The following ZSWIM5 variants were observed in gnomAD, a reference collection of about 807,000 sequenced individuals.
ZSWIM5 encodes zinc finger SWIM-type containing 5, also known as zinc finger SWIM domain-containing protein 5.
ZSWIM5 carries 55 observed loss-of-function variants against 119.6 expected under a neutral mutation model. The ratio of observed to expected loss-of-function variants is 0.46; its 90% CI spans 0.37 to 0.58. ZSWIM5 has a LOEUF of 0.58. ZSWIM5 is among the 20% of genes least tolerant of loss of function. The pLI is 0.00. For synonymous variants in ZSWIM5, 537 were observed against 606.9 expected, an observed-to-expected ratio of 0.88 and a Z score of 1.69; for missense variants, 1,193 against 1,512.8, an observed-to-expected ratio of 0.79 and a Z score of 3.51.
chr1:45,048,457 T>C (rs1645070361), intron 5 of ZSWIM5, among the ~76,000 whole-genome samples: 1 of 152,112 alleles, frequency 6.6e-6, no homozygotes, highest in Non-Finnish European at 1.5e-5. Flanking sequence ...GAGTTAAGTG[T>C]GTATGCAAAG....
At chr1:45,168,430 T>G (rs1645923068) in intron 1 of ZSWIM5, among the ~76,000 whole-genome samples, 1 of 151,838 alleles carries the variant, frequency 6.6e-6, no homozygotes, top group Non-Finnish European at 1.5e-5. Context: ...TGTATACATA[T>G]GTAACAAACT....
intron 1 of ZSWIM5, among the ~76,000 whole-genome samples, chr1:45,125,383 T>A (rs1017987523): frequency 6.6e-6 from 1 of 151,882 alleles, no homozygotes; most frequent in South Asian, 2.1e-4. Flanking sequence ...GAAGAATATA[T>A]ATTAAACTGA....
intron 1 of ZSWIM5, among the ~76,000 whole-genome samples, chr1:45,133,810 G>A (rs976613571): frequency 6.6e-6 from 1 of 151,646 alleles, no homozygotes; most frequent in Non-Finnish European, 1.5e-5. Flanking sequence ...AAGGGATCCA[G>A]TTTCAGCTTT....
At chr1:45,131,925 G>A (rs964859428) in intron 1 of ZSWIM5, among the ~76,000 whole-genome samples, 6 of 151,384 alleles carry the variant, frequency 4.0e-5, no homozygotes, top group African/African-American at 1.5e-4. Context: ...AGAACATAAA[G>A]ATTGGAGTGA....
intron 1 of ZSWIM5, among the ~76,000 whole-genome samples, chr1:45,167,660 C>T (rs936039878): frequency 3.9e-5 from 6 of 152,010 alleles, no homozygotes; most frequent in South Asian, 2.1e-4. Flanking sequence ...AAAAAGTGGG[C>T]GAAGGATATG....
intron 1 of ZSWIM5, among the ~76,000 whole-genome samples, chr1:45,103,638 C>T (rs1645453201): frequency 6.6e-6 from 1 of 152,210 alleles, no homozygotes; most frequent in Non-Finnish European, 1.5e-5. Context: ...TGACATTTGC[C>T]TGTTTTCCTG....
rs186408168 is a variant in ZSWIM5 at position 45,034,436 on chromosome 1, G to T, written c.2325C>A (p.Gly775=). 46 of 1,611,124 alleles carry T rather than the reference G, an allele frequency of 2.9e-5. No individual in the cohort carries two copies. Among genetic ancestry groups the T allele is most frequent in the Non-Finnish European group, 3.9e-5 (46 of 1,178,738 alleles). ...LPVLENSASA[G]DTSHPHHMVS... ...CCATATGGTGAGGGTGGGATGTGTC[G>T]CCTGCAGAAGCTGAGTTTTCTAAAA... Residue 775 remains glycine (G), a synonymous_variant, in exon 11 of 14, where the codon GGC becomes GGA. Coordinates refer to ENST00000359600, the MANE Select transcript of ZSWIM5 (RefSeq NM_020883.2).
chr1:45,104,528 GGCCACGC>G (rs1645458242), intron 1 of ZSWIM5, among the ~76,000 whole-genome samples: 1 of 152,198 alleles, frequency 6.6e-6, no homozygotes, highest in Admixed American at 6.5e-5. Context: ...AATCCCAACT[GGCCACGC>G]CTGGGGCCTA....
chr1:45,180,615 G>A (rs1420877838), intron 1 of ZSWIM5, among the ~76,000 whole-genome samples: 8 of 152,110 alleles, frequency 5.3e-5, no homozygotes, highest in South Asian at 4.1e-4. Flanking sequence ...ATCTGAGAAC[G>A]GGCAGACTGC....
chr1:45,061,802 C>T (rs1427255577), intron 2 of ZSWIM5, among the ~76,000 whole-genome samples: 2 of 146,456 alleles, frequency 1.4e-5, no homozygotes, highest in African/African-American at 5.1e-5. Context: ...TTGAAATATA[C>T]ATTATTGGTT....
intron 5 of ZSWIM5, among the ~76,000 whole-genome samples, chr1:45,045,787 A>G (rs1467645749): frequency 6.6e-6 from 1 of 152,304 alleles, no homozygotes; most frequent in Non-Finnish European, 1.5e-5. Context: ...TCCTGTCTTT[A>G]TGGACCTTTA....
intron 5 of ZSWIM5, among the ~76,000 whole-genome samples, chr1:45,049,608 GTT>G (rs1645078124): frequency 2.0e-5 from 3 of 152,052 alleles, no homozygotes; most frequent in South Asian, 2.1e-4. Context: ...CACTTGAGGA[GTT>G]TGACACCAGC....
At chr1:45,086,694 A>G (rs1343855647) in intron 2 of ZSWIM5, among the ~76,000 whole-genome samples, 1 of 152,042 alleles carries the variant, frequency 6.6e-6, no homozygotes, top group Non-Finnish European at 1.5e-5. Flanking sequence ...TGATGAGTTA[A>G]TGGGTGCAGC....
At chr1:45,074,121 G>T (rs1186833552) in intron 2 of ZSWIM5, among the ~76,000 whole-genome samples, 1 of 151,812 alleles carries the variant, frequency 6.6e-6, no homozygotes, top group Admixed American at 6.6e-5. Context: ...ATGTATTGTT[G>T]AATTCAGTTT....
At chr1:45,191,659 T>C (rs1646093899) in intron 1 of ZSWIM5, among the ~76,000 whole-genome samples, 1 of 152,172 alleles carries the variant, frequency 6.6e-6, no homozygotes, top group South Asian at 2.1e-4. Context: ...ACACAGAGAA[T>C]TGAGGCTCAG....
At chr1:45,044,731 A>AGAAAAAAAAAG (rs1557746299) in intron 5 of ZSWIM5, among the ~76,000 whole-genome samples, 1 of 6,570 alleles carries the variant, frequency 1.5e-4, no homozygotes. Context: ...CTCAAAAAAA[A>AGAAAAAAAAAG]AAAAAAAAAA....
chr1:45,117,677 A>T (rs1645566637), intron 1 of ZSWIM5, among the ~76,000 whole-genome samples: 1 of 152,078 alleles, frequency 6.6e-6, no homozygotes, highest in African/African-American at 2.4e-5. Context: ...TTTCAAAAAA[A>T]AGTAACAAGG....
intron 1 of ZSWIM5, among the ~76,000 whole-genome samples, chr1:45,107,939 G>C (rs550730137): frequency 7.9e-5 from 12 of 152,262 alleles, no homozygotes; most frequent in African/African-American, 2.4e-4. Context: ...TGGGACCACA[G>C]GCATGCATTA....
At chr1:45,191,914 T>C (rs1487378608) in intron 1 of ZSWIM5, among the ~76,000 whole-genome samples, 1 of 152,154 alleles carries the variant, frequency 6.6e-6, no homozygotes, top group South Asian at 2.1e-4. Flanking sequence ...AAGTACACAA[T>C]TTGGTTATTT....
Sources: allele counts gnomAD v4.1 joint callset (sites outside exome capture counted in the v4.1 genomes callset), GRCh38; gene constraint gnomAD v4.1.1; transcripts MANE v1.5; gene names NCBI Gene and HGNC (gene_info 2026-07-23, HGNC 2026-07-21).